Variants in ZNF260 observed in about 807,000 individuals in gnomAD.
ZNF260 encodes zfp-260.
In ZNF260, 21 loss-of-function variants were observed where a neutral mutation model predicts 29.3. That is an observed-to-expected ratio of 0.72 (90% CI 0.51 to 1.03). The LOEUF (loss-of-function observed/expected upper bound fraction) is 1.03. Ranked by LOEUF, ZNF260 falls within the 50% of genes least tolerant of loss-of-function variation. ZNF260 has a pLI of 0.00. For missense variants in ZNF260, 465 were observed against 487.8 expected, an observed-to-expected ratio of 0.95 and a Z score of 0.44; for synonymous variants, 156 against 156.8, an observed-to-expected ratio of 0.99 and a Z score of 0.04.
intron 2 of ZNF260, among the ~76,000 whole-genome samples, chr19:36,516,489 T>G (rs1043784021): frequency 6.6e-6 from 1 of 152,110 alleles, no homozygotes; most frequent in Non-Finnish European, 1.5e-5. Context: ...ACTGAGGAGA[T>G]TGAGGTGGGC....
intron 1 of ZNF260, among the ~76,000 whole-genome samples, chr19:36,526,752 T>C (rs1424850181): frequency 6.6e-6 from 1 of 152,148 alleles, no homozygotes; most frequent in Non-Finnish European, 1.5e-5. Context: ...TTAACAACAG[T>C]TATGATTCAT....
chr19:36,524,366 A>G (rs1370697770), intron 2 of ZNF260, among the ~76,000 whole-genome samples: 1 of 151,736 alleles, frequency 6.6e-6, no homozygotes, highest in Non-Finnish European at 1.5e-5. Flanking sequence ...TTTTTAGTAA[A>G]GACGGGGTTT....
chr19:36,514,851 G>C lies in ZNF260; in HGVS notation c.388C>G (p.His130Asp). The C allele has an allele frequency of 1.9e-6, 3 of 1,613,994 alleles. No homozygotes were observed. The highest frequency in any genetic ancestry group is 2.5e-6 in the Non-Finnish European group (3 of 1,180,004). Residue 130 changes from histidine to aspartate, a missense_variant, in exon 3 of 3, where the codon CAT (histidine) becomes GAT (aspartate). Transcript: ENST00000523638. ...MPTIIRHQKN[H>D]TGTKPYACKE... ...CATGCATAGGGTTTGGTTCCTGTAT[G>C]ATTTTTCTGGTGTCTGATGATGGTT...
chr19:36,520,527 G>T (rs1431171003), intron 2 of ZNF260, among the ~76,000 whole-genome samples: 1 of 152,054 alleles, frequency 6.6e-6, no homozygotes, highest in Admixed American at 6.6e-5. Context: ...GGCTGGGTGT[G>T]GTGGCTCACG....
At chr19:36,517,474 A>G (rs569198521) in intron 2 of ZNF260, 5 of 152,368 alleles carry the variant, frequency 3.3e-5, no homozygotes, top group African/African-American at 1.2e-4. Flanking sequence ...TGAGTGGTTT[A>G]AAGAAAAGCC....
At chr19:36,523,581 T>C (rs1048308225) in intron 2 of ZNF260, among the ~76,000 whole-genome samples, 21 of 149,318 alleles carry the variant, frequency 1.4e-4, no homozygotes, top group Admixed American at 4.7e-4. Flanking sequence ...TTATTTCTTT[T>C]TTTTTTTTTT....
chr19:36,522,475 T>A (rs1379457306), intron 2 of ZNF260, among the ~76,000 whole-genome samples: 4 of 151,488 alleles, frequency 2.6e-5, no homozygotes, highest in East Asian at 1.9e-4. Context: ...AATAAATAAA[T>A]AAAATAAAAA....
At chr19:36,525,648 G>A (rs1031672564) in intron 1 of ZNF260, among the ~76,000 whole-genome samples, 3 of 151,994 alleles carry the variant, frequency 2.0e-5, no homozygotes, top group East Asian at 1.9e-4. Flanking sequence ...TTAGCCAGGC[G>A]TGGTGGCATA....
rs749332103 is a variant in ZNF260 at position 36,515,066 on chromosome 19, G to C, written c.173C>G (p.Thr58Ser). The C allele has an allele frequency of 6.2e-6, 10 of 1,613,952 alleles. No homozygotes were observed. Among genetic ancestry groups the C allele is most frequent in the African/African-American group, 1.3e-5 (1 of 74,908 alleles). Reference protein sequence around the residue: ...MHTGEKSHECTECGKVCSRVS... With the variant: ...MHTGEKSHECSECGKVCSRVS... ...TCGAGAGCACACTTTACCACATTCAGTGCATTCATGAGATTTCTCTCCAGT... is the reference window on the plus strand; with the variant it reads ...TCGAGAGCACACTTTACCACATTCACTGCATTCATGAGATTTCTCTCCAGT... Residue 58 changes from threonine to serine, a missense_variant, in exon 3 of 3, where the codon ACT becomes AGT. Physicochemically the swap from Thr to Ser is moderately conservative, Grantham distance 58. Coordinates refer to ENST00000523638, the MANE Select transcript of ZNF260 (RefSeq NM_001166037.2).
At chr19:36,525,591 C>T (rs908907302) in intron 1 of ZNF260, among the ~76,000 whole-genome samples, 2 of 151,782 alleles carry the variant, frequency 1.3e-5, no homozygotes, top group South Asian at 2.1e-4. Context: ...GTTCGAGACC[C>T]GCCTGGCCAA....
rs150970043 is a variant in ZNF260 at position 36,528,010 on chromosome 19, C to T, written c.-681+209G>A. The stretch of plus-strand genomic sequence containing the variant: ...TAACTCTGCACCCTCAACACCCCCT[C>T]ACACTCTCGGTCACCCACCCGCGAA... On this transcript the variant is annotated intron_variant, in intron 1 of 2. Transcript: ENST00000523638. 9.5e-4 allele frequency among the ~76,000 whole-genome samples: 142 copies of T among 150,012 alleles called. 1 individual carries two copies. In the East Asian group the frequency reaches 0.021, roughly 22 times the overall value.
rs2034449138 is a variant in ZNF260, at chr19:36,511,346, C to T, written c.*2654G>A. On this transcript the variant is annotated 3_prime_UTR_variant, in exon 3 of 3. Transcript: ENST00000523638. The stretch of plus-strand genomic sequence containing the variant: ...TCAAGACCAGCCTTTGGAGAAACCC[C>T]ATCTCTACTAAAAATACAAAATTAG... 1 of 151,854 alleles carries T rather than the reference C, an allele frequency of 6.6e-6. No homozygotes were observed. The highest frequency in any genetic ancestry group is 6.6e-5 in the Admixed American group (1 of 15,222). 9.4% of individuals were successfully genotyped at this position (151,854 alleles called of 1,614,324 possible). A position where few individuals can be genotyped will look rare whatever the true frequency, so the allele number is the denominator to read the frequency against.
intron 1 of ZNF260, among the ~76,000 whole-genome samples, chr19:36,527,560 C>T (rs2034756658): frequency 6.6e-6 from 1 of 152,148 alleles, no homozygotes; most frequent in Non-Finnish European, 1.5e-5. Flanking sequence ...GACCTCTGCG[C>T]TAAAGGCAGG....
intron 2 of ZNF260, among the ~76,000 whole-genome samples, chr19:36,517,115 C>G (rs1009519081): frequency 6.6e-6 from 1 of 152,122 alleles, no homozygotes; most frequent in African/African-American, 2.4e-5. Context: ...ATTAGGAGGA[C>G]TAGGGATAGT....
At chr19:36,526,524 A>T (rs1260612264) in intron 1 of ZNF260, among the ~76,000 whole-genome samples, 2 of 152,198 alleles carry the variant, frequency 1.3e-5, no homozygotes. Context: ...TGGGTGACAG[A>T]GTGAGACTCC....
rs751897479 is a variant in ZNF260 at position 36,515,040 on chromosome 19, C to T, written c.199G>A (p.Val67Ile). The change falls in exon 3 of 3, where the codon GTC becomes ATC. Residue 67 changes from valine (V) to isoleucine (I), a missense_variant. By Grantham distance (29) the Val-to-Ile change is conservative. Transcript: ENST00000523638. ...CTECGKVCSR[V>I]SSLTLHLRSH... ...CTAAGGTGTAGAGTAAGAGATGAGA[C>T]TCGAGAGCACACTTTACCACATTCA... 1 of 1,614,120 alleles carries T rather than the reference C, an allele frequency of 6.2e-7. No homozygotes were observed. The highest frequency in any genetic ancestry group is 1.1e-5 in the South Asian group (1 of 91,084).
Position 36,512,805 on chromosome 19 carries a change from A to G in ZNF260, c.*1195T>C, listed in dbSNP as rs921745205. ...ATTTTATTCATCTATTTCACAAGAG[A>G]CAGCATTTGTTTCCCAACTTCTGGC... On this transcript the variant is annotated 3_prime_UTR_variant, in exon 3 of 3. Transcript: ENST00000523638. 13 of 152,142 alleles carry G rather than the reference A, an allele frequency of 8.5e-5. No individual in the cohort carries two copies. The highest frequency in any genetic ancestry group is 3.1e-4 in the African/African-American group (13 of 41,454). The allele number at this position is 152,142 out of a possible 1,614,324, so 9.4% of individuals were successfully genotyped here.
Position 36,514,287 on chromosome 19 carries a change from A to C in ZNF260, c.952T>G (p.Ser318Ala). The change falls in exon 3 of 3, where the codon TCA becomes GCA. Residue 318 changes from serine (S) to alanine (A), a missense_variant. Transcript: ENST00000523638. ...KCGKAFSRITSLIVHVRIHTG... is the reference protein window; with the variant it reads ...KCGKAFSRITALIVHVRIHTG... ...TGAATTCTCACATGTACAATAAGTG[A>C]TGTGATTCGAGAGAAGGCTTTTCCA... 1.2e-6 allele frequency: 2 copies of C among 1,614,044 alleles called. No homozygotes were observed. The highest frequency in any genetic ancestry group is 8.5e-7 in the Non-Finnish European group (1 of 1,179,976).
At position 36,514,054 on chromosome 19, in the gene ZNF260, T is replaced by G. The variant is rs751202661; in HGVS notation, c.1185A>C (p.Lys395Asn). The change falls in exon 3 of 3, where the codon AAA becomes AAC. Residue 395 changes from lysine (K) to asparagine (N), a missense_variant. Physicochemically the swap from Lys to Asn is moderately conservative, Grantham distance 94. Coordinates refer to ENST00000523638, the MANE Select transcript of ZNF260 (RefSeq NM_001166037.2). ...TGTGATGTGACTTTTGGCTGAAAGC[T>G]TTCCCACATTCACTACACTGATAAG... ...EKPYQCSECG[K>N]AFSQKSHHIR... 1 of 1,613,910 alleles carries G rather than the reference T, an allele frequency of 6.2e-7. No homozygotes were observed. Among genetic ancestry groups the G allele is most frequent in the Non-Finnish European group, 8.5e-7 (1 of 1,179,938 alleles).
Sources: allele counts gnomAD v4.1 joint callset (sites outside exome capture counted in the v4.1 genomes callset), GRCh38; gene constraint gnomAD v4.1.1; transcripts MANE v1.5; gene names NCBI Gene and HGNC (gene_info 2026-07-23, HGNC 2026-07-21).